Variants in ARFGEF3 observed in about 807,000 individuals in gnomAD.
ARFGEF3 encodes the protein ARFGEF family member 3, also known as brefeldin A-inhibited guanine nucleotide-exchange protein 3.
In ARFGEF3, 96 loss-of-function variants were observed where a neutral mutation model predicts 221.7. The observed-to-expected ratio is 0.43, with a 90% confidence interval of 0.37 to 0.51. The LOEUF (loss-of-function observed/expected upper bound fraction) is 0.51, where lower values mean the gene tolerates loss of function less well. ARFGEF3 is among the 20% of genes least tolerant of loss of function. The probability of loss-of-function intolerance (pLI) is 0.00; values close to 1 mark genes in which losing one functional copy is unlikely to be tolerated. For missense variants in ARFGEF3, 2,410 were observed against 2,789.9 expected (o/e 0.86, Z 3.07); for synonymous variants, 1,145 against 1,126.8 (o/e 1.02, Z -0.32).
At chr6:138,174,529 T>C (rs1245916856) in intron 2 of ARFGEF3, among the ~76,000 whole-genome samples, 2 of 146,634 alleles carry the variant, frequency 1.4e-5, no homozygotes, top group Non-Finnish European at 3.0e-5. Context: ...TAAATATTTG[T>C]CTGCTCATTG....
intron 2 of ARFGEF3, among the ~76,000 whole-genome samples, chr6:138,190,821 C>T (rs748556700): frequency 3.9e-5 from 6 of 152,218 alleles, no homozygotes; most frequent in Non-Finnish European, 8.8e-5. Flanking sequence ...TTTGGCTAAT[C>T]TGCAGGGATG....
At chr6:138,235,903 A>G (rs1170773949) in intron 5 of ARFGEF3, among the ~76,000 whole-genome samples, 1 of 152,228 alleles carries the variant, frequency 6.6e-6, no homozygotes. Flanking sequence ...TTTTTAGCTG[A>G]GTAAGCATGC....
At position 138,287,185 on chromosome 6, in the gene ARFGEF3, G is replaced by A; in HGVS notation, c.2896+1G>A. 1 of 1,557,834 alleles carries A rather than the reference G, an allele frequency of 6.4e-7. No homozygotes were observed. Among genetic ancestry groups the A allele is most frequent in the Non-Finnish European group, 8.7e-7 (1 of 1,150,450 alleles). ...GAACCCAGTGATGCCATCACACAAGGTAACAACTGGAGGGCCAGAACCCAC... is the reference window on the plus strand; with the variant it reads ...GAACCCAGTGATGCCATCACACAAGATAACAACTGGAGGGCCAGAACCCAC... On this transcript the variant is annotated splice_donor_variant, in intron 17 of 33. Transcript: ENST00000251691. LOFTEE classifies it high-confidence loss of function.
chr6:138,307,383 G>T lies in ARFGEF3; in HGVS notation c.3959G>T (p.Gly1320Val). The T allele has an allele frequency of 6.2e-7, 1 of 1,613,772 alleles. No individual in the cohort carries two copies. The highest frequency in any genetic ancestry group is 8.5e-7 in the Non-Finnish European group (1 of 1,179,758). The change falls in exon 23 of 34, where the codon GGT becomes GTT. Residue 1320 changes from glycine to valine, a missense_variant. Transcript: ENST00000251691. ...NKSEMKEYLV[G>V]DYSMGKGQAP... is the part of the protein sequence containing the mutation. ...TCAGAGATGAAGGAGTACCTGGTTG[G>T]TGACTACTCCATGGGTAAGAATGTT... is the stretch of plus-strand genomic sequence containing the variant.
At chr6:138,182,082 T>C (rs1777088540) in intron 2 of ARFGEF3, among the ~76,000 whole-genome samples, 1 of 152,190 alleles carries the variant, frequency 6.6e-6, no homozygotes, top group Non-Finnish European at 1.5e-5. Flanking sequence ...TTCCAAGTGC[T>C]GGTCCCACTT....
chr6:138,250,245 A>G (rs1196106109), intron 8 of ARFGEF3, among the ~76,000 whole-genome samples: 3 of 152,188 alleles, frequency 2.0e-5, no homozygotes, highest in African/African-American at 7.2e-5. Context: ...GGTACGCAGA[A>G]CACTCCCTCG....
At position 138,223,433 on chromosome 6, in the gene ARFGEF3, AAG is replaced by A. The variant is rs1291380222; in HGVS notation, c.352-6345_352-6344del. Among the ~76,000 whole-genome samples, 3 of 152,224 alleles carry A rather than the reference AAG, an allele frequency of 2.0e-5. No individual in the cohort carries two copies. The East Asian group carries it at 5.8e-4, about 29-fold the overall frequency. On this transcript the variant is annotated intron_variant, in intron 4 of 33. Coordinates refer to ENST00000251691, the MANE Select transcript of ARFGEF3 (RefSeq NM_020340.5). Reference sequence around the variant, plus strand: ...GGCATTAAGGTTTTCACCATACACCAAGAGAGAAAAATGCAAGGCCTTCTGTG... The same window carrying A: ...GGCATTAAGGTTTTCACCATACACCAAGAGAAAAATGCAAGGCCTTCTGTG...
intron 2 of ARFGEF3, among the ~76,000 whole-genome samples, chr6:138,192,017 G>A (rs1040055935): frequency 1.5e-4 from 23 of 152,264 alleles, no homozygotes; most frequent in African/African-American, 5.1e-4. Context: ...AGATACTGTC[G>A]GTGCTACGCT....
In ARFGEF3 at chr6:138,334,473, A is replaced by C; in HGVS notation, c.5627A>C (p.Glu1876Ala). The C allele has an allele frequency of 6.2e-7, 1 of 1,611,870 alleles. No homozygotes were observed. The highest frequency in any genetic ancestry group is 8.5e-7 in the Non-Finnish European group (1 of 1,179,312). ...CAGGTCAGCCCCCCGAGAGGCAAGGAGAAGAGACAGTGGCGGGCACGGATG... is the reference window on the plus strand; with the variant it reads ...CAGGTCAGCCCCCCGAGAGGCAAGGCGAAGAGACAGTGGCGGGCACGGATG... ...TAQVSPPRGK[E>A]KRQWRARMPL... Residue 1876 changes from glutamate to alanine, a missense_variant, in exon 33 of 34, where the codon GAG (glutamate) becomes GCG (alanine). Glu to Ala is a moderately radical substitution (Grantham distance 107). Coordinates refer to ENST00000251691, the MANE Select transcript of ARFGEF3 (RefSeq NM_020340.5). The surrounding 1 kb of genome is among the most constrained non-coding windows in gnomAD (Gnocchi z 5.1).
chr6:138,336,190 C>T (rs767793845), intron 33 of ARFGEF3, 105 bp from the exon 34 acceptor site: 4 of 831,218 alleles, frequency 4.8e-6, no homozygotes, highest in Non-Finnish European at 7.2e-6. Context: ...TTTATTGCAA[C>T]TAAAGCCTGG....
intron 4 of ARFGEF3, among the ~76,000 whole-genome samples, chr6:138,220,205 G>A (rs1162249792): frequency 2.0e-5 from 3 of 152,018 alleles, no homozygotes; most frequent in Non-Finnish European, 4.4e-5. Context: ...GTTTTGCCAT[G>A]TTTCCCAGGC....
chr6:138,275,473 G>A (rs771097874), intron 12 of ARFGEF3, among the ~76,000 whole-genome samples: 7 of 151,692 alleles, frequency 4.6e-5, no homozygotes, highest in Non-Finnish European at 7.4e-5. Flanking sequence ...AGGGATGGCC[G>A]GGCATGGTGG....
chr6:138,251,550 A>G (rs1165324699), intron 8 of ARFGEF3, among the ~76,000 whole-genome samples: 8 of 151,952 alleles, frequency 5.3e-5, no homozygotes, highest in Admixed American at 4.6e-4. Flanking sequence ...TCACTCTTTT[A>G]CCTCCAGATA....
At chr6:138,328,626 T>G (rs1468619059) in intron 32 of ARFGEF3, among the ~76,000 whole-genome samples, 3 of 152,176 alleles carry the variant, frequency 2.0e-5, no homozygotes, top group Non-Finnish European at 4.4e-5. Context: ...TATAGTCACA[T>G]TCTGAGGTAC....
rs1444300203 is a variant in ARFGEF3, at chr6:138,336,740, G to A, written c.*254G>A. ...TAGAAGAATCTATAATCCTTGATAT[G>A]TTTCTAACTCTTGAAGTATATTTCC... is the stretch of plus-strand genomic sequence containing the variant. On this transcript the variant is annotated 3_prime_UTR_variant, in exon 34 of 34. Transcript: ENST00000251691. 2 of 295,098 alleles carry A rather than the reference G, an allele frequency of 6.8e-6. No individual in the cohort carries two copies. The highest frequency in any genetic ancestry group is 2.2e-5 in the African/African-American group (1 of 46,072). 18.3% of individuals were successfully genotyped at this position (295,098 alleles called of 1,614,324 possible). A position where few individuals can be genotyped will look rare whatever the true frequency, so the allele number is the denominator to read the frequency against.
At chr6:138,304,142 CA>C (rs1470527688) in intron 22 of ARFGEF3, among the ~76,000 whole-genome samples, 1 of 152,008 alleles carries the variant, frequency 6.6e-6, no homozygotes, top group Non-Finnish European at 1.5e-5. Flanking sequence ...AGGTTATGTC[CA>C]CAGAATGAAA....
At chr6:138,183,516 GCAGAGTGGGAAGA>G (rs1777121750) in intron 2 of ARFGEF3, among the ~76,000 whole-genome samples, 1 of 152,104 alleles carries the variant, frequency 6.6e-6, no homozygotes, top group South Asian at 2.1e-4. Context: ...AGAGAGTGAT[GCAGAGTGGGAAGA>G]CAGGGTGGGG....
chr6:138,286,747 G>A lies in ARFGEF3; in HGVS notation c.2616G>A (p.Leu872=). 3 of 1,614,034 alleles carry A rather than the reference G, an allele frequency of 1.9e-6. No homozygotes were observed. The highest frequency in any genetic ancestry group is 1.7e-6 in the Non-Finnish European group (2 of 1,179,904). The change falls in exon 16 of 34, where the codon TTG becomes TTA. Residue 872 remains leucine (L), a synonymous_variant. Transcript: ENST00000251691. ...TTCTGGTGGGCTGCTGGAAGAACTT[G>A]ATCGATACTTTATCAACCCCACTGA... ...RYILVGCWKN[L]IDTLSTPLTG...
At chr6:138,296,715 T>A in intron 20 of ARFGEF3, 95 bp from the exon 21 acceptor site, 1 of 1,436,254 alleles carries the variant, frequency 7.0e-7, no homozygotes, top group Non-Finnish European at 9.6e-7. Flanking sequence ...ACCCTACTGG[T>A]CCTACCTAGA....
Sources: allele counts gnomAD v4.1 joint callset (sites outside exome capture counted in the v4.1 genomes callset), GRCh38; gene constraint gnomAD v4.1.1; non-coding constraint Gnocchi (gnomAD v3.1); transcripts MANE v1.5; gene names NCBI Gene and HGNC (gene_info 2026-07-23, HGNC 2026-07-21).